SKIC3: variants seen among roughly 807,000 people sequenced by gnomAD.
The protein encoded by SKIC3 is superkiller complex protein 3.
At chr5:95,512,342 G>A in the SKIC3 span, 17 of 957,666 alleles carry the variant, frequency 1.8e-5, no homozygotes, top group African/African-American at 1.3e-4. Flanking sequence ...AGACTGCTTC[G>A]CTGTTGCAAA....
the SKIC3 span, chr5:95,484,767 A>G: frequency 1.2e-6 from 2 of 1,614,048 alleles, no homozygotes; most frequent in East Asian, 2.2e-5. Context: ...TCCTGTGTCT[A>G]TTAGACCAGT....
chr5:95,499,957 C>A, the SKIC3 span, among the ~76,000 whole-genome samples: 50 of 151,868 alleles, frequency 3.3e-4, no homozygotes, highest in African/African-American at 1.2e-3. Context: ...CCACTAACAA[C>A]CAAACTTATA....
chr5:95,507,160 G>T, the SKIC3 span: 1 of 720,068 alleles, frequency 1.4e-6, no homozygotes, highest in Non-Finnish European at 2.3e-6. Context: ...TATTAAGTTG[G>T]TACCACAAAA....
the SKIC3 span, among the ~76,000 whole-genome samples, chr5:95,554,678 G>A: frequency 6.6e-6 from 1 of 152,192 alleles, no homozygotes; most frequent in Non-Finnish European, 1.5e-5. Context: ...CCCTGGGAAG[G>A]TATTCGGGGG....
the SKIC3 span, chr5:95,494,669 ATAT>A: frequency 1.2e-6 from 2 of 1,609,842 alleles, no homozygotes; most frequent in East Asian, 2.2e-5. Context: ...AATGAAATAG[ATAT>A]TATATGCACC....
At chr5:95,471,161 A>G in the SKIC3 span, among the ~76,000 whole-genome samples, 1 of 152,188 alleles carries the variant, frequency 6.6e-6, no homozygotes, top group Non-Finnish European at 1.5e-5. Flanking sequence ...AATAGTGGCT[A>G]CTTTGGGTAC....
the SKIC3 span, among the ~76,000 whole-genome samples, chr5:95,533,241 A>G: frequency 6.6e-6 from 1 of 152,178 alleles, no homozygotes; most frequent in African/African-American, 2.4e-5. Flanking sequence ...TTGAAAATGA[A>G]TTTTCAATTC....
the SKIC3 span, among the ~76,000 whole-genome samples, chr5:95,484,036 A>T: frequency 6.6e-6 from 1 of 152,206 alleles, no homozygotes; most frequent in Non-Finnish European, 1.5e-5. Flanking sequence ...AAAATTTTTT[A>T]AAGACCTATA....
At chr5:95,496,100 C>G in the SKIC3 span, among the ~76,000 whole-genome samples, 1 of 151,938 alleles carries the variant, frequency 6.6e-6, no homozygotes, top group Admixed American at 6.6e-5. Context: ...TCACTGCAAC[C>G]TCCGCCTCCC....
the SKIC3 span, among the ~76,000 whole-genome samples, chr5:95,468,199 C>T: frequency 6.6e-6 from 1 of 152,100 alleles, no homozygotes; most frequent in Admixed American, 6.5e-5. Flanking sequence ...AATGTTTATA[C>T]ATATGGCTGT....
the SKIC3 span, among the ~76,000 whole-genome samples, chr5:95,509,009 A>G: frequency 1.3e-5 from 2 of 152,140 alleles, no homozygotes; most frequent in Non-Finnish European, 2.9e-5. Context: ...TTTCTTTTCT[A>G]TCGATTTCTC....
chr5:95,493,447 G>C, the SKIC3 span, among the ~76,000 whole-genome samples: 1 of 152,116 alleles, frequency 6.6e-6, no homozygotes, highest in South Asian at 2.1e-4. Flanking sequence ...CTGGATCCAT[G>C]ATAAGAATTA....
At chr5:95,503,750 T>A in the SKIC3 span, 1 of 1,603,958 alleles carries the variant, frequency 6.2e-7, no homozygotes, top group Non-Finnish European at 8.5e-7. Flanking sequence ...TCTTTCTGTA[T>A]GTGTGCTCAT....
At chr5:95,540,618 T>C in the SKIC3 span, 16 of 1,560,358 alleles carry the variant, frequency 1.0e-5, no homozygotes, top group East Asian at 3.4e-4. Flanking sequence ...TGATCAATTA[T>C]GTTTCCATTT....
chr5:95,528,213 T>A, the SKIC3 span: 20 of 1,604,192 alleles, frequency 1.2e-5, no homozygotes, highest in Middle Eastern at 1.7e-4. Flanking sequence ...ATTTTTTCTT[T>A]TTTAAGGATG....
chr5:95,479,713 G>A, the SKIC3 span, among the ~76,000 whole-genome samples: 2 of 141,030 alleles, frequency 1.4e-5, no homozygotes, highest in African/African-American at 5.6e-5. Flanking sequence ...GTGTGTGTGT[G>A]TATAGTTCAT....
At chr5:95,498,411 G>A in the SKIC3 span, 1 of 1,614,198 alleles carries the variant, frequency 6.2e-7, no homozygotes. Flanking sequence ...CAGCCACACT[G>A]CGGCCTTGGA....
At chr5:95,515,205 A>T in the SKIC3 span, 1 of 378,650 alleles carries the variant, frequency 2.6e-6, no homozygotes. Flanking sequence ...CCAACCAATC[A>T]TCCATCCATT....
At chr5:95,528,241 G>T in the SKIC3 span, 1 of 1,498,298 alleles carries the variant, frequency 6.7e-7, no homozygotes, top group Non-Finnish European at 9.3e-7. Flanking sequence ...ATAAATTGCA[G>T]ATACAATAAG....
Sources: gnomAD v4.1 joint callset for allele counts (sites outside exome capture counted in the v4.1 genomes callset) on GRCh38, gnomAD v4.1.1 for gene constraint, MANE v1.5 for transcripts, NCBI Gene and HGNC (gene_info 2026-07-23, HGNC 2026-07-21) for gene names.